The following SRPK1 variants were observed in gnomAD, a reference collection of about 807,000 sequenced individuals.
The protein encoded by SRPK1 is SFRS protein kinase 1.
SRPK1 carries 52 observed loss-of-function variants against 89.5 expected under a neutral mutation model. The observed-to-expected ratio is 0.58, with a 90% CI of 0.46 to 0.73. The LOEUF (loss-of-function observed/expected upper bound fraction) is 0.73. Among genes scored for constraint, SRPK1 ranks in the 30% least tolerant of loss-of-function variants. The probability of loss-of-function intolerance (pLI) is 0.00; values close to 1 mark genes in which losing one functional copy is unlikely to be tolerated. For synonymous variants in SRPK1, 255 were observed against 270.2 expected, an observed-to-expected ratio of 0.94 and a Z score of 0.55; for missense variants, 603 against 780.6, an observed-to-expected ratio of 0.77 and a Z score of 2.71.
At chr6:35,886,955 T>C in intron 5 of SRPK1, 144 bp from the exon 6 acceptor site, 2 of 589,256 alleles carry the variant, frequency 3.4e-6, no homozygotes. Flanking sequence ...TTTCAATAGC[T>C]TTAATGGAGA....
intron 2 of SRPK1, among the ~76,000 whole-genome samples, chr6:35,908,764 C>G (rs1272509299): frequency 1.3e-5 from 2 of 152,220 alleles, no homozygotes; most frequent in Non-Finnish European, 2.9e-5. Flanking sequence ...TGTCAGAGAT[C>G]TTGGCGACAG....
At chr6:35,871,051 T>G in intron 8 of SRPK1, 92 bp from the exon 9 acceptor site, 1 of 1,073,586 alleles carries the variant, frequency 9.3e-7, no homozygotes, top group Non-Finnish European at 1.4e-6. Flanking sequence ...GAATGAAAAG[T>G]CTTTCTTATG....
chr6:35,905,387 T>A (rs1369455146), intron 2 of SRPK1, among the ~76,000 whole-genome samples: 2 of 152,146 alleles, frequency 1.3e-5, no homozygotes, highest in Non-Finnish European at 2.9e-5. Context: ...GTATGCTTCA[T>A]AAGCCATATT....
chr6:35,898,902 C>T (rs1032065723), intron 2 of SRPK1, among the ~76,000 whole-genome samples: 1 of 152,216 alleles, frequency 6.6e-6, no homozygotes, highest in Non-Finnish European at 1.5e-5. Flanking sequence ...GTGGCTCACG[C>T]CTGTAATCCC....
Position 35,869,007 on chromosome 6 carries a change from T to C in SRPK1, c.1512+3A>G. ...AAACACCATTAAGGCAAGTTTAACT[T>C]ACCACCCAACAAGCATTTCCAAGGT... is the stretch of plus-strand genomic sequence containing the variant. On this transcript the variant is annotated splice_donor_region_variant and intron_variant, in intron 12 of 15. Coordinates refer to ENST00000373825, the MANE Select transcript of SRPK1 (RefSeq NM_003137.5). 6 of 1,612,946 alleles carry C rather than the reference T, an allele frequency of 3.7e-6. No homozygotes were observed. Among genetic ancestry groups the C allele is most frequent in the Non-Finnish European group, 5.1e-6 (6 of 1,179,444 alleles).
intron 13 of SRPK1, among the ~76,000 whole-genome samples, chr6:35,848,891 C>G (rs1332824827): frequency 6.6e-6 from 1 of 152,034 alleles, no homozygotes; most frequent in African/African-American, 2.4e-5. Context: ...GAAAAACTAC[C>G]AGAAGAAACA....
chr6:35,902,147 T>A (rs1770755635), intron 2 of SRPK1, among the ~76,000 whole-genome samples: 1 of 149,628 alleles, frequency 6.7e-6, no homozygotes, highest in African/African-American at 2.5e-5. Flanking sequence ...AGTGGCCCCA[T>A]GTCTGTAATC....
At chr6:35,845,078 C>G (rs982769362) in intron 13 of SRPK1, among the ~76,000 whole-genome samples, 3 of 152,142 alleles carry the variant, frequency 2.0e-5, no homozygotes, top group African/African-American at 7.2e-5. Context: ...ATGATTCCAA[C>G]TATTTGACAT....
chr6:35,866,698 T>C (rs1248922870), intron 12 of SRPK1, among the ~76,000 whole-genome samples: 1 of 152,108 alleles, frequency 6.6e-6, no homozygotes, highest in African/African-American at 2.4e-5. Flanking sequence ...CAAAGGAAAA[T>C]AAATCATATC....
intron 8 of SRPK1, among the ~76,000 whole-genome samples, chr6:35,871,614 C>T (rs1333881417): frequency 5.3e-5 from 8 of 152,170 alleles, no homozygotes. Context: ...CTTTAGTCTT[C>T]CTTTTTAAAG....
chr6:35,878,286 T>C lies in SRPK1; in HGVS notation c.479-3947A>G, dbSNP rs535067125. On this transcript the variant is annotated intron_variant, in intron 6 of 15. Transcript: ENST00000373825. Reference sequence around the variant, plus strand: ...GGAAATTCACAAGGTGAGCCTGCAATATCTTGATGCCAGGTAATAAACTGC... The same window carrying C: ...GGAAATTCACAAGGTGAGCCTGCAACATCTTGATGCCAGGTAATAAACTGC... Among the ~76,000 whole-genome samples the C allele has an allele frequency of 1.8e-4, 28 of 152,284 alleles. No homozygotes were observed. The East Asian group carries it at 4.8e-3, about 26-fold the overall frequency.
intron 2 of SRPK1, among the ~76,000 whole-genome samples, chr6:35,900,571 A>G (rs564115664): frequency 6.6e-6 from 1 of 152,246 alleles, no homozygotes; most frequent in South Asian, 2.1e-4. Flanking sequence ...GCTGGTGAAC[A>G]GCAGAAGTTG....
chr6:35,842,736 AAAAAAC>A (rs1769338820), intron 13 of SRPK1, 132 bp from the exon 14 acceptor site: 1 of 520,388 alleles, frequency 1.9e-6, no homozygotes, highest in Non-Finnish European at 3.2e-6. Context: ...TAAAAAAAAA[AAAAAAC>A]AAAAACTTAA....
chr6:35,880,738 A>AAAAAAAAAAAAAAAG (rs1554152646), intron 6 of SRPK1, among the ~76,000 whole-genome samples: 1 of 18,816 alleles, frequency 5.3e-5, no homozygotes, highest in South Asian at 2.9e-3. Flanking sequence ...AAAAAAAGAA[A>AAAAAAAAAAAAAAAG]AAAAAAAAAA....
In SRPK1 at chr6:35,886,778, C is replaced by T; in HGVS notation, c.424G>A (p.Glu142Lys). ...RNSDPNDPNR[E>K]MVVQLLDDFK... ...TCATCTAGTAGTTGAACAACCATTT[C>T]TCTATTTGGATCATTAGGGTCTGAA... The change falls in exon 6 of 16, where the codon GAA (glutamate) becomes AAA (lysine). Residue 142 changes from glutamate to lysine, a missense_variant. Transcript: ENST00000373825. The T allele has an allele frequency of 6.2e-7, 1 of 1,611,394 alleles. No homozygotes were observed. Among genetic ancestry groups the T allele is most frequent in the Non-Finnish European group, 8.5e-7 (1 of 1,177,794 alleles).
chr6:35,882,993 G>C (rs1433510374), intron 6 of SRPK1, among the ~76,000 whole-genome samples: 1 of 152,152 alleles, frequency 6.6e-6, no homozygotes, highest in Non-Finnish European at 1.5e-5. Context: ...ATTTTTAGTA[G>C]AGATGGGGTT....
intron 6 of SRPK1, among the ~76,000 whole-genome samples, chr6:35,876,188 T>C (rs1396681117): frequency 6.7e-6 from 1 of 148,542 alleles, no homozygotes; most frequent in African/African-American, 2.5e-5. Context: ...TACAGTAAGA[T>C]AGCATCTCAA....
chr6:35,883,738 T>A (rs1770345597), intron 6 of SRPK1, among the ~76,000 whole-genome samples: 1 of 138,348 alleles, frequency 7.2e-6, no homozygotes, highest in Admixed American at 7.1e-5. Flanking sequence ...CACAAGGTTA[T>A]TTTTTTTTTT....
intron 6 of SRPK1, among the ~76,000 whole-genome samples, chr6:35,886,212 C>T (rs904593343): frequency 3.3e-5 from 5 of 151,824 alleles, no homozygotes; most frequent in African/African-American, 9.7e-5. Context: ...TCTCCAGTAG[C>T]TGGGATTACA....
Sources: allele counts gnomAD v4.1 joint callset (sites outside exome capture counted in the v4.1 genomes callset), GRCh38; gene constraint gnomAD v4.1.1; transcripts MANE v1.5; gene names NCBI Gene and HGNC (gene_info 2026-07-23, HGNC 2026-07-21).